Variants in STK40 observed in about 807,000 individuals in gnomAD.
STK40 encodes serine/threonine-protein kinase 40.
In STK40, 13 loss-of-function variants were observed where a neutral mutation model predicts 47.9. The observed-to-expected ratio is 0.27, with a 90% CI of 0.18 to 0.43. The LOEUF (loss-of-function observed/expected upper bound fraction) is 0.43. Among genes scored for constraint, STK40 ranks in the 20% least tolerant of loss-of-function variants. The pLI, the probability that STK40 is intolerant of heterozygous loss-of-function variation, is 1.00. For synonymous variants in STK40, 225 were observed against 243.2 expected (o/e 0.93, Z 0.69); for missense variants, 460 against 595.1 (o/e 0.77, Z 2.36).
At chr1:36,357,153 G>A (rs1368394552) in intron 4 of STK40, among the ~76,000 whole-genome samples, 4 of 152,134 alleles carry the variant, frequency 2.6e-5, no homozygotes, top group Non-Finnish European at 4.4e-5. Context: ...CTCATTCATC[G>A]TCCCAACCAC....
chr1:36,372,444 A>G (rs994935374), intron 1 of STK40, among the ~76,000 whole-genome samples: 2 of 151,504 alleles, frequency 1.3e-5, no homozygotes, highest in Non-Finnish European at 2.9e-5. Flanking sequence ...AAAAAAAAAA[A>G]AAAAGAAAGA....
At chr1:36,357,609 A>T (rs570804082) in intron 4 of STK40, among the ~76,000 whole-genome samples, 163 of 152,018 alleles carry the variant, frequency 1.1e-3, no homozygotes, top group African/African-American at 2.6e-3. Context: ...AAAAAATTTT[A>T]AAAAAAAGGA....
At chr1:36,365,239 C>T (rs1280984329) in intron 1 of STK40, among the ~76,000 whole-genome samples, 1 of 152,192 alleles carries the variant, frequency 6.6e-6, no homozygotes, top group Non-Finnish European at 1.5e-5. Flanking sequence ...ATACGCCCGC[C>T]TCGGCCTCCC....
chr1:36,364,988 C>CTTTTT (rs747047937), intron 1 of STK40, among the ~76,000 whole-genome samples: 4 of 126,896 alleles, frequency 3.2e-5, no homozygotes, highest in African/African-American at 6.2e-5. Context: ...GGTCCTTATT[C>CTTTTT]TTTTTTTTTT....
chr1:36,340,817 G>A lies in STK40; in HGVS notation c.*938C>T, dbSNP rs1303724206. 6.6e-6 allele frequency: 1 copy of A among 152,330 alleles called. No individual in the cohort carries two copies. The highest frequency in any genetic ancestry group is 1.9e-4 in the East Asian group (1 of 5,192). 9.4% of individuals were successfully genotyped at this position (152,330 alleles called of 1,614,324 possible). On this transcript the variant is annotated 3_prime_UTR_variant, in exon 11 of 11. Coordinates refer to ENST00000373132, the MANE Select transcript of STK40 (RefSeq NM_001282547.2). ...CCCTAAACACAAGAGTAGGCTAGGG[G>A]AGCGTGCAGGCAGCCCCCGCTCACG...
intron 1 of STK40, among the ~76,000 whole-genome samples, chr1:36,376,611 C>G (rs770289925): frequency 3.3e-5 from 5 of 152,202 alleles, no homozygotes; most frequent in Non-Finnish European, 7.3e-5. Flanking sequence ...CCAGAGAGGA[C>G]TGGTTAACTA....
intron 1 of STK40, among the ~76,000 whole-genome samples, chr1:36,363,128 C>T (rs1020116067): frequency 3.3e-5 from 5 of 151,970 alleles, no homozygotes; most frequent in African/African-American, 9.7e-5. Context: ...GCACTTCAGC[C>T]TGGGCAACAG....
chr1:36,344,300 ACAG>A, intron 7 of STK40, 36 bp from the exon 8 acceptor site: 1 of 1,538,868 alleles, frequency 6.5e-7, no homozygotes, highest in South Asian at 1.2e-5. Flanking sequence ...TCTTCAGGCC[ACAG>A]CACCACCGTG....
intron 1 of STK40, among the ~76,000 whole-genome samples, chr1:36,366,918 T>G (rs1646907231): frequency 6.6e-6 from 1 of 150,642 alleles, no homozygotes; most frequent in Non-Finnish European, 1.5e-5. Flanking sequence ...CACTGCAACC[T>G]CTGCCTCCCG....
rs761489279 is a variant in STK40 at position 36,361,344 on chromosome 1, G to C, written c.-8-4C>G. On this transcript the variant is annotated splice_region_variant and splice_polypyrimidine_tract_variant and intron_variant, in intron 1 of 10. Transcript: ENST00000373132. Reference sequence around the variant, plus strand: ...GCTCTCCGCTTCATTCTCAGCTCTAGACAAGACAGAAAGACCCCTTCTCAC... The same window carrying C: ...GCTCTCCGCTTCATTCTCAGCTCTACACAAGACAGAAAGACCCCTTCTCAC... 2.5e-6 allele frequency: 4 copies of C among 1,614,070 alleles called. No homozygotes were observed. The Admixed American group carries it at 5.0e-5, about 20-fold the overall frequency.
At chr1:36,363,913 A>T (rs756366904) in intron 1 of STK40, among the ~76,000 whole-genome samples, 1 of 151,754 alleles carries the variant, frequency 6.6e-6, no homozygotes, top group African/African-American at 2.4e-5. Flanking sequence ...GCACTTTGGG[A>T]GGCCAAGGAG....
chr1:36,345,985 A>ATTTTTTTT (rs1383008702), intron 7 of STK40, among the ~76,000 whole-genome samples: 22 of 9,814 alleles, frequency 2.2e-3, no homozygotes, highest in Non-Finnish European at 6.5e-3. Context: ...ATATATATAT[A>ATTTTTTTT]TATATATTTT....
chr1:36,374,010 G>A (rs1312590371), intron 1 of STK40, among the ~76,000 whole-genome samples: 7 of 152,304 alleles, frequency 4.6e-5, no homozygotes, highest in Middle Eastern at 6.8e-3. Flanking sequence ...AGGGCCCTGC[G>A]CCCAGCCTGC....
chr1:36,385,292 G>A (rs796976153), intron 1 of STK40, among the ~76,000 whole-genome samples: 22 of 152,346 alleles, frequency 1.4e-4, no homozygotes, highest in African/African-American at 5.3e-4. Flanking sequence ...CCAGAGTGAG[G>A]GCTCTTGGAG....
intron 7 of STK40, among the ~76,000 whole-genome samples, chr1:36,344,870 A>C (rs1184068825): frequency 6.6e-6 from 1 of 152,234 alleles, no homozygotes; most frequent in African/African-American, 2.4e-5. Flanking sequence ...TAAAGCGAAA[A>C]GGAGCAGGCA....
intron 2 of STK40, 108 bp downstream of exon 2, chr1:36,361,113 T>C: frequency 7.7e-7 from 1 of 1,295,624 alleles, no homozygotes; most frequent in Non-Finnish European, 1.1e-6. Flanking sequence ...CACACACTGC[T>C]GTGGGTGGGC....
rs559751533 is a variant in STK40 at position 36,346,916 on chromosome 1, T to C, written c.739+1784A>G. ...AGGAGGAGCCTGGCTCTATCTCCTA[T>C]GGGGATGCTTTGGGGATTACTGTAG... On this transcript the variant is annotated intron_variant, in intron 7 of 10. Coordinates refer to ENST00000373132, the MANE Select transcript of STK40 (RefSeq NM_001282547.2). Among the ~76,000 whole-genome samples the C allele has an allele frequency of 2.6e-5, 4 of 152,316 alleles. No homozygotes were observed. In the East Asian group the frequency reaches 5.8e-4, roughly 22 times the overall value.
intron 1 of STK40, among the ~76,000 whole-genome samples, chr1:36,383,125 T>C (rs1647055037): frequency 1.3e-5 from 2 of 152,288 alleles, no homozygotes; most frequent in South Asian, 4.1e-4. Flanking sequence ...ATTTTGTATT[T>C]TTAGTAGAGA....
Position 36,343,953 on chromosome 1 carries a change from A to G in STK40, c.911T>C (p.Val304Ala), listed in dbSNP as rs1379547270. 1.2e-6 allele frequency: 2 copies of G among 1,607,246 alleles called. No individual in the cohort carries two copies. Among genetic ancestry groups the G allele is most frequent in the South Asian group, 2.2e-5 (2 of 90,838 alleles). Reference protein sequence around the residue: ...PEDGRVSENTVCLIRKLLVLD... With the variant: ...PEDGRVSENTACLIRKLLVLD... ...GACCAGCAGCTTCCGGATGAGACACACGGTGTTCTCAGAAACCCGTCCATC... is the reference window on the plus strand; with the variant it reads ...GACCAGCAGCTTCCGGATGAGACACGCGGTGTTCTCAGAAACCCGTCCATC... The change falls in exon 9 of 11, where the codon GTG (valine) becomes GCG (alanine). Residue 304 changes from valine to alanine, a missense_variant. This residue lies in a region of STK40 where 181 missense variants were observed against 218.9 expected (regional missense o/e 0.83). Transcript: ENST00000373132.
Sources: gnomAD v4.1 joint callset for allele counts (sites outside exome capture counted in the v4.1 genomes callset) on GRCh38, gnomAD v4.1.1 for gene constraint, gnomAD v4.1.1 regional missense constraint, MANE v1.5 for transcripts, NCBI Gene and HGNC (gene_info 2026-07-23, HGNC 2026-07-21) for gene names.